The following IL7 variants were observed in gnomAD, a reference collection of about 807,000 sequenced individuals.
IL7 encodes interleukin 7, also known as interleukin-7.
Under a neutral mutation model 21.6 loss-of-function variants are expected in IL7, and 3 were observed. The ratio of observed to expected loss-of-function variants is 0.14; its 90% CI spans 0.06 to 0.36. IL7 has a LOEUF of 0.36. IL7 is among the 10% of genes least tolerant of loss of function. IL7 has a pLI of 1.00. For synonymous variants in IL7, 62 were observed against 68.1 expected, an observed-to-expected ratio of 0.91 and a Z score of 0.44; for missense variants, 175 against 200.2, an observed-to-expected ratio of 0.87 and a Z score of 0.76.
intron 2 of IL7, among the ~76,000 whole-genome samples, chr8:78,766,779 T>C (rs1167306393): frequency 6.6e-6 from 1 of 152,168 alleles, no homozygotes; most frequent in Non-Finnish European, 1.5e-5. Flanking sequence ...TGTGTATCTG[T>C]ATGTGTTTGT....
chr8:78,763,027 G>A (rs74789320), intron 2 of IL7, among the ~76,000 whole-genome samples: 1,700 of 152,292 alleles, frequency 0.011, 17 homozygotes, highest in South Asian at 0.031. Context: ...ATTTGGATGC[G>A]ATCAATGTCA....
intron 2 of IL7, among the ~76,000 whole-genome samples, chr8:78,757,160 G>A (rs1812375550): frequency 6.6e-6 from 1 of 151,238 alleles, no homozygotes. Context: ...TCACTTTGAA[G>A]CCTATTGCTT....
intron 2 of IL7, among the ~76,000 whole-genome samples, chr8:78,766,177 C>A (rs1000257066): frequency 1.1e-4 from 17 of 152,118 alleles, no homozygotes; most frequent in African/African-American, 3.9e-4. Flanking sequence ...TAAGAGGGAG[C>A]AAGTGGATGA....
In IL7 at chr8:78,733,724, T is replaced by C. The variant is rs766736182; in HGVS notation, c.523A>G (p.Lys175Glu). The C allele has an allele frequency of 6.2e-7, 1 of 1,601,772 alleles. No individual in the cohort carries two copies. The stretch of plus-strand genomic sequence containing the variant: ...CCACTCCATATTTTTCAGTGTTCTT[T>C]AGTGCCCATCAAAATTTTATTCCAA... ...TCWNKILMGTKEH is the reference protein window; with the variant it reads ...TCWNKILMGTEEH The change falls in exon 6 of 6, where the codon AAA becomes GAA. Residue 175 changes from lysine to glutamate, a missense_variant. Lys to Glu is a moderately conservative substitution (Grantham distance 56). Coordinates refer to ENST00000263851, the MANE Select transcript of IL7 (RefSeq NM_000880.4).
At chr8:78,718,472 G>C (rs1811172716) in intron 6 of IL7, 1 of 151,856 alleles carries the variant, frequency 6.6e-6, no homozygotes, top group Admixed American at 6.6e-5. Flanking sequence ...AATCATTAGT[G>C]CAGAGCATGC....
intron 3 of IL7, among the ~76,000 whole-genome samples, chr8:78,694,604 T>G (rs1022856153): frequency 3.9e-5 from 6 of 152,208 alleles, no homozygotes; most frequent in African/African-American, 1.4e-4. Flanking sequence ...CATTTGACAT[T>G]CAGTGCTTTT....
intron 4 of IL7, 112 bp from the exon 5 acceptor site, chr8:78,736,639 CTACTT>C: frequency 3.4e-6 from 2 of 591,006 alleles, no homozygotes; most frequent in Non-Finnish European, 3.0e-6. Flanking sequence ...ATTTGAGACT[CTACTT>C]TAAATTTCTT....
chr8:78,688,873 A>C (rs995933459), intron 3 of IL7, among the ~76,000 whole-genome samples: 1 of 152,118 alleles, frequency 6.6e-6, no homozygotes, highest in Non-Finnish European at 1.5e-5. Flanking sequence ...CTAGTCTGCT[A>C]TATAAAGTAT....
intron 4 of IL7, among the ~76,000 whole-genome samples, chr8:78,676,851 G>A (rs1809597867): frequency 6.6e-6 from 1 of 151,588 alleles, no homozygotes; most frequent in Non-Finnish European, 1.5e-5. Flanking sequence ...TCATTTATGT[G>A]GTATTTAACT....
chr8:78,798,332 C>T (rs1813932537), intron 1 of IL7, 124 bp from the exon 2 acceptor site: 1 of 664,338 alleles, frequency 1.5e-6, no homozygotes, highest in African/African-American at 1.8e-5. Flanking sequence ...TTTGGAGATA[C>T]TACAGGAAGA....
At chr8:78,776,976 T>A (rs1380137446) in intron 2 of IL7, among the ~76,000 whole-genome samples, 1 of 152,102 alleles carries the variant, frequency 6.6e-6, no homozygotes, top group African/African-American at 2.4e-5. Context: ...TTCATCTCTA[T>A]AAATGACATT....
chr8:78,715,395 A>G (rs1028192710), downstream of IL7: 1 of 1,411,112 alleles, frequency 7.1e-7, no homozygotes, highest in African/African-American at 1.5e-5. Flanking sequence ...TCCAAGGACC[A>G]TACACAAAAG....
chr8:78,738,540 T>C lies in IL7; in HGVS notation c.324A>G (p.Ser108=), dbSNP rs751368486. 1.2e-6 allele frequency: 2 copies of C among 1,613,816 alleles called. No individual in the cohort carries two copies. Among genetic ancestry groups the C allele is most frequent in the Admixed American group, 3.3e-5 (2 of 60,030 alleles). The change falls in exon 4 of 6, where the codon TCA becomes TCG. Residue 108 remains serine (S), a synonymous_variant. Coordinates refer to ENST00000263851, the MANE Select transcript of IL7 (RefSeq NM_000880.4). The part of the protein sequence containing the change: ...GDFDLHLLKV[S]EGTTILLNCT... ...AGTTCAACAGTATTGTTGTGCCTTCTGAAACTTTTAATAAGTGGAGATCAA... is the reference window on the plus strand; with the variant it reads ...AGTTCAACAGTATTGTTGTGCCTTCCGAAACTTTTAATAAGTGGAGATCAA...
chr8:78,717,817 A>G (rs1350635439), downstream of IL7: 1 of 176,730 alleles, frequency 5.7e-6, no homozygotes, highest in Non-Finnish European at 1.2e-5. Flanking sequence ...CATTTCCACA[A>G]ACTCTCATAC....
chr8:78,701,026 A>G (rs1296104730), intron 3 of IL7, among the ~76,000 whole-genome samples: 1 of 152,158 alleles, frequency 6.6e-6, no homozygotes, highest in Non-Finnish European at 1.5e-5. Flanking sequence ...TGGTTCTGTG[A>G]AGAATGTCAC....
intron 2 of IL7, among the ~76,000 whole-genome samples, chr8:78,791,425 A>C (rs1813690723): frequency 6.6e-6 from 1 of 152,310 alleles, no homozygotes; most frequent in East Asian, 1.9e-4. Context: ...AGATCACTTG[A>C]GGTCAGGAGT....
At chr8:78,692,882 T>C (rs1163950003) in intron 3 of IL7, among the ~76,000 whole-genome samples, 3 of 151,720 alleles carry the variant, frequency 2.0e-5, no homozygotes, top group African/African-American at 4.8e-5. Flanking sequence ...CCCTCCCCAC[T>C]CCCCCCACCC....
At chr8:78,744,754 T>C (rs2717547) in intron 2 of IL7, among the ~76,000 whole-genome samples, 2 of 151,990 alleles carry the variant, frequency 1.3e-5, no homozygotes, top group African/African-American at 2.4e-5. Context: ...CTGAGCAGCT[T>C]CTCTGCCAAG....
At chr8:78,750,905 G>T (rs1342376992) in intron 2 of IL7, among the ~76,000 whole-genome samples, 1 of 152,086 alleles carries the variant, frequency 6.6e-6, no homozygotes, top group Non-Finnish European at 1.5e-5. Context: ...CAACAGACAA[G>T]AACAGATAGG....
Sources: gnomAD v4.1 joint callset for allele counts (sites outside exome capture counted in the v4.1 genomes callset) on GRCh38, gnomAD v4.1.1 for gene constraint, MANE v1.5 for transcripts, NCBI Gene and HGNC (gene_info 2026-07-23, HGNC 2026-07-21) for gene names.